Variants in MAPK10 observed in about 807,000 individuals in gnomAD.
MAPK10 encodes the protein JNK3 alpha protein kinase.
MAPK10 carries 25 observed loss-of-function variants against 59.3 expected under a neutral mutation model. The ratio of observed to expected loss-of-function variants is 0.42; its 90% CI spans 0.31 to 0.59. MAPK10 has a LOEUF of 0.59. MAPK10 is among the 20% of genes least tolerant of loss of function. MAPK10 has a pLI of 0.15. For missense variants in MAPK10, 351 were observed against 568.9 expected, an observed-to-expected ratio of 0.62 and a Z score of 3.90; for synonymous variants, 190 against 200.5, an observed-to-expected ratio of 0.95 and a Z score of 0.44.
intron 2 of MAPK10, among the ~76,000 whole-genome samples, chr4:86,243,055 C>T (rs957105813): frequency 3.3e-5 from 5 of 152,300 alleles, no homozygotes; most frequent in South Asian, 2.1e-4. Context: ...CCTTGGCTGG[C>T]GGGAGGGGGG....
intron 2 of MAPK10, among the ~76,000 whole-genome samples, chr4:86,266,656 T>C (rs1583753541): frequency 6.6e-6 from 1 of 152,174 alleles, no homozygotes. Flanking sequence ...TGATACTTGA[T>C]TGAGAAGTAT....
chr4:86,271,040 A>C (rs1407325514), intron 2 of MAPK10, among the ~76,000 whole-genome samples: 1 of 152,042 alleles, frequency 6.6e-6, no homozygotes, highest in Non-Finnish European at 1.5e-5. Flanking sequence ...AGTAGTTAGG[A>C]GTAAAATTCC....
intron 1 of MAPK10, among the ~76,000 whole-genome samples, chr4:86,501,759 G>A (rs1719933750): frequency 6.6e-6 from 1 of 151,884 alleles, no homozygotes; most frequent in African/African-American, 2.4e-5. Flanking sequence ...TACCAACTGG[G>A]TTCAACATTA....
rs530612549 is a variant in MAPK10, at chr4:86,407,200, G to A, written c.-122+45830C>T. Among the ~76,000 whole-genome samples the A allele has an allele frequency of 7.2e-5, 11 of 152,246 alleles. 1 individual carries two copies. The South Asian group carries it at 2.3e-3, about 32-fold the overall frequency. Reference sequence around the variant, plus strand: ...TCTTATTTGCCAGGCTTTGTATTAAGTCTTTGACATGTGTTATTATGTTTA... The same window carrying A: ...TCTTATTTGCCAGGCTTTGTATTAAATCTTTGACATGTGTTATTATGTTTA... On this transcript the variant is annotated intron_variant, in intron 1 of 13. Transcript: ENST00000361569.
At chr4:86,231,896 C>T (rs969532768) in intron 2 of MAPK10, among the ~76,000 whole-genome samples, 1 of 152,102 alleles carries the variant, frequency 6.6e-6, no homozygotes, top group African/African-American at 2.4e-5. Context: ...CCCATGAAGC[C>T]AGGGCTATTC....
intron 2 of MAPK10, among the ~76,000 whole-genome samples, chr4:86,262,033 T>C (rs1262944552): frequency 6.6e-6 from 1 of 152,270 alleles, no homozygotes; most frequent in African/African-American, 2.4e-5. Flanking sequence ...TTATTTAATA[T>C]AACTGCTATG....
At chr4:86,412,190 T>G (rs1745269616) in intron 1 of MAPK10, among the ~76,000 whole-genome samples, 1 of 152,234 alleles carries the variant, frequency 6.6e-6, no homozygotes, top group East Asian at 1.9e-4. Flanking sequence ...AGATTCTGGG[T>G]TGAAAATTCT....
chr4:86,208,344 A>G (rs1460853808), intron 2 of MAPK10, among the ~76,000 whole-genome samples: 3 of 149,230 alleles, frequency 2.0e-5, no homozygotes, highest in African/African-American at 5.1e-5. Flanking sequence ...TACTCAATAA[A>G]ATACTGGCAA....
At chr4:86,431,775 T>C (rs978419092) in intron 1 of MAPK10, among the ~76,000 whole-genome samples, 3 of 152,178 alleles carry the variant, frequency 2.0e-5, no homozygotes, top group African/African-American at 7.2e-5. Context: ...AAGAGTCGTG[T>C]TATGAAAAGA....
chr4:86,280,359 C>T (rs1452976758), intron 2 of MAPK10, among the ~76,000 whole-genome samples: 5 of 152,146 alleles, frequency 3.3e-5, no homozygotes. Flanking sequence ...AAATGCTCCA[C>T]ATCACTAATC....
intron 1 of MAPK10, among the ~76,000 whole-genome samples, chr4:86,560,025 A>G (rs1760556283): frequency 6.6e-6 from 1 of 152,108 alleles, no homozygotes; most frequent in African/African-American, 2.4e-5. Context: ...ACTAATCACT[A>G]AATATCATGT....
At chr4:86,028,795 T>C (rs1189497544) in intron 13 of MAPK10, 2 of 245,032 alleles carry the variant, frequency 8.2e-6, no homozygotes, top group Admixed American at 1.0e-4. Flanking sequence ...CACATCAACC[T>C]TGAGAAGAGT....
chr4:86,143,360 C>T (rs1174141681), intron 4 of MAPK10, among the ~76,000 whole-genome samples: 1 of 152,178 alleles, frequency 6.6e-6, no homozygotes, highest in Non-Finnish European at 1.5e-5. Flanking sequence ...ACAGCTTGCT[C>T]TCCACTTGCT....
chr4:86,451,671 C>G (rs529932501), intron 1 of MAPK10, among the ~76,000 whole-genome samples: 1 of 152,200 alleles, frequency 6.6e-6, no homozygotes, highest in East Asian at 1.9e-4. Context: ...CCACAGGAGC[C>G]CCAGTGTAAA....
At chr4:86,576,774 CAAA>C (rs5860029) in intron 1 of MAPK10, among the ~76,000 whole-genome samples, 2 of 142,472 alleles carry the variant, frequency 1.4e-5, no homozygotes, top group African/African-American at 5.2e-5. Context: ...GACTCCGTCC[CAAA>C]AAAAAAAAAC....
chr4:86,172,630 C>T (rs966406469), intron 3 of MAPK10, among the ~76,000 whole-genome samples: 116 of 150,556 alleles, frequency 7.7e-4, no homozygotes, highest in Admixed American at 1.9e-3. Context: ...TGCTAAATGA[C>T]GAGTTAATGG....
intron 1 of MAPK10, among the ~76,000 whole-genome samples, chr4:86,517,660 C>A (rs1418770841): frequency 1.3e-5 from 2 of 152,038 alleles, no homozygotes; most frequent in East Asian, 3.8e-4. Context: ...GGATATTGGT[C>A]TATAGTTTTC....
At chr4:86,090,172 G>C (rs946251814) in intron 9 of MAPK10, 5 of 151,588 alleles carry the variant, frequency 3.3e-5, no homozygotes, top group African/African-American at 1.2e-4. Flanking sequence ...TTACTCACTT[G>C]TTGTACTTAA....
chr4:86,576,761 C>T (rs535880344), intron 1 of MAPK10, among the ~76,000 whole-genome samples: 8 of 126,640 alleles, frequency 6.3e-5, no homozygotes, highest in East Asian at 2.3e-4. Context: ...GGGGACAGTG[C>T]GAGACTCCGT....
Sources: gnomAD v4.1 joint callset for allele counts (sites outside exome capture counted in the v4.1 genomes callset) on GRCh38, gnomAD v4.1.1 for gene constraint, MANE v1.5 for transcripts, NCBI Gene and HGNC (gene_info 2026-07-23, HGNC 2026-07-21) for gene names.